The following SNX29 variants were observed in gnomAD, a reference collection of about 807,000 sequenced individuals.
SNX29 encodes the protein sorting nexin-29.
A neutral mutation model predicts 102.1 loss-of-function variants in SNX29; 78 were observed. That is an observed-to-expected ratio of 0.76 (90% CI 0.64 to 0.92). The LOEUF is 0.92. Ranked by LOEUF, SNX29 falls within the 40% of genes least tolerant of loss-of-function variation. The pLI is 0.00. For synonymous variants in SNX29, 580 were observed against 414.5 expected (o/e 1.40, Z -4.85); for missense variants, 1,280 against 1,061.7 (o/e 1.21, Z -2.86).
chr16:12,431,434 CT>C (rs200189537), intron 18 of SNX29, among the ~76,000 whole-genome samples: 322 of 136,784 alleles, frequency 2.4e-3, no homozygotes, highest in Middle Eastern at 3.7e-3. Flanking sequence ...TCTTCTTCTT[CT>C]TTTTTTTTTT....
At chr16:11,980,310 G>T (rs181859944) in intron 1 of SNX29, among the ~76,000 whole-genome samples, 8 of 152,174 alleles carry the variant, frequency 5.3e-5, no homozygotes, top group Admixed American at 5.2e-4. Flanking sequence ...TAATTTTCCT[G>T]AGGTTAAACC....
At chr16:12,557,950 C>T (rs150862419) in intron 20 of SNX29, among the ~76,000 whole-genome samples, 3 of 152,224 alleles carry the variant, frequency 2.0e-5, no homozygotes, top group East Asian at 3.9e-4. Flanking sequence ...TCACCGCTTG[C>T]CCTGTCTTCC....
chr16:12,335,044 G>C (rs2081406509), intron 15 of SNX29, among the ~76,000 whole-genome samples: 1 of 151,940 alleles, frequency 6.6e-6, no homozygotes, highest in Non-Finnish European at 1.5e-5. Context: ...GTGAGGGGAG[G>C]TTGACTGTCG....
intron 14 of SNX29, among the ~76,000 whole-genome samples, chr16:12,256,854 T>G (rs1781956782): frequency 6.6e-6 from 1 of 152,220 alleles, no homozygotes. Flanking sequence ...TCTACTGGCC[T>G]CCTCCACTTG....
intron 4 of SNX29, among the ~76,000 whole-genome samples, chr16:12,042,677 A>G (rs1015272432): frequency 2.6e-5 from 4 of 152,366 alleles, no homozygotes; most frequent in South Asian, 2.1e-4. Flanking sequence ...TCATGGCTGC[A>G]TAGTATTCCA....
chr16:12,349,797 A>C (rs1250856147), intron 15 of SNX29, among the ~76,000 whole-genome samples: 1 of 152,040 alleles, frequency 6.6e-6, no homozygotes, highest in Non-Finnish European at 1.5e-5. Context: ...TATTTTTTAT[A>C]CTTGTTTTTC....
Position 12,027,354 on chromosome 16 carries a change from C to T in SNX29, c.157C>T (p.Leu53=), listed in dbSNP as rs753715184. 4.0e-5 allele frequency: 65 copies of T among 1,614,094 alleles called. No homozygotes were observed. In the East Asian group the frequency reaches 6.9e-4, roughly 17 times the overall value. ...TCTGTGTGCCCAGTTTGAAGCCGTC[C>T]TGCAGCATGGCTTGAAGAGGAGTCG... ...TCLCAQFEAV[L]QHGLKRSRGL... is the part of the protein sequence containing the mutation. Residue 53 remains leucine (L), a synonymous_variant, in exon 4 of 21, where the codon CTG becomes TTG. Transcript: ENST00000566228.
chr16:12,431,914 A>C (rs2151631069), intron 18 of SNX29, among the ~76,000 whole-genome samples: 1 of 152,358 alleles, frequency 6.6e-6, no homozygotes, highest in East Asian at 1.9e-4. Context: ...GAACCCACGA[A>C]CAAAGACTTA....
chr16:12,048,611 G>A lies in SNX29; in HGVS notation c.739G>A (p.Val247Ile), dbSNP rs2050182875. Residue 247 changes from valine (V) to isoleucine (I), a missense_variant, in exon 7 of 21, where the codon GTC becomes ATC. Coordinates refer to ENST00000566228, the MANE Select transcript of SNX29 (RefSeq NM_032167.5). ...CCCCTTGCCTGTCGTGTCCAGGAAT[G>A]TCAGTGCTGGTGAGTGGGAACGGGT... is the stretch of plus-strand genomic sequence containing the variant. ...TDPLPVVSRNVSADAKCKKER... is the reference protein window; with the variant it reads ...TDPLPVVSRNISADAKCKKER... The A allele has an allele frequency of 6.2e-7, 1 of 1,613,942 alleles. No individual in the cohort carries two copies. Among genetic ancestry groups the A allele is most frequent in the Non-Finnish European group, 8.5e-7 (1 of 1,179,866 alleles).
intron 20 of SNX29, among the ~76,000 whole-genome samples, chr16:12,551,347 T>C (rs895687720): frequency 3.9e-5 from 6 of 152,192 alleles, no homozygotes; most frequent in South Asian, 2.1e-4. Context: ...AATCATTCTT[T>C]TGGGGGCTAG....
chr16:12,295,715 C>T lies in SNX29; in HGVS notation c.1782+17679C>T, dbSNP rs2079959289. Reference sequence around the variant, plus strand: ...TTCTCTGGGTCACACAGGCAACTCTCTGCCCTGCTTTGAGCAAAGACTATT... The same window carrying T: ...TTCTCTGGGTCACACAGGCAACTCTTTGCCCTGCTTTGAGCAAAGACTATT... On this transcript the variant is annotated intron_variant, in intron 15 of 20. Transcript: ENST00000566228. Among the ~76,000 whole-genome samples the T allele has an allele frequency of 2.0e-5, 3 of 152,134 alleles. No individual in the cohort carries two copies. In the South Asian group the frequency reaches 6.2e-4, roughly 32 times the overall value.
intron 18 of SNX29, among the ~76,000 whole-genome samples, chr16:12,439,024 C>T (rs1271353448): frequency 6.6e-6 from 1 of 152,222 alleles, no homozygotes; most frequent in Non-Finnish European, 1.5e-5. Flanking sequence ...CGTGGTTGCA[C>T]ATGGCAGCCC....
intron 15 of SNX29, among the ~76,000 whole-genome samples, chr16:12,286,350 T>A (rs1014943823): frequency 6.6e-6 from 1 of 151,196 alleles, no homozygotes; most frequent in Non-Finnish European, 1.5e-5. Context: ...AAGGATTTTT[T>A]TTTTTTTTTT....
At position 12,051,744 on chromosome 16, in the gene SNX29, C is replaced by T. The variant is rs2050311847; in HGVS notation, c.749-103C>T. 3 of 1,462,112 alleles carry T rather than the reference C, an allele frequency of 2.1e-6. No individual in the cohort carries two copies. In the South Asian group the frequency reaches 4.2e-5, roughly 20 times the overall value. The allele number at this position is 1,462,112 out of a possible 1,614,324, so 90.6% of individuals were successfully genotyped here. On this transcript the variant is annotated intron_variant, in intron 7 of 20. Coordinates refer to ENST00000566228, the MANE Select transcript of SNX29 (RefSeq NM_032167.5). The stretch of plus-strand genomic sequence containing the variant: ...TGAATTCATGTTACAGTGTATTTCT[C>T]ACTCGAATAGTATTTTCCATAACCT...
intron 15 of SNX29, among the ~76,000 whole-genome samples, chr16:12,294,369 G>A (rs2079907557): frequency 6.6e-6 from 1 of 152,182 alleles, no homozygotes; most frequent in Admixed American, 6.5e-5. Context: ...ACAGCCCTCA[G>A]CCCTGTCATG....
chr16:12,166,748 A>G (rs1204101991), intron 13 of SNX29, among the ~76,000 whole-genome samples: 3 of 152,208 alleles, frequency 2.0e-5, no homozygotes, highest in Non-Finnish European at 4.4e-5. Context: ...TTCAGGCATC[A>G]GAGTTGGGTG....
At chr16:12,012,193 T>C (rs995110766) in intron 3 of SNX29, among the ~76,000 whole-genome samples, 2 of 152,226 alleles carry the variant, frequency 1.3e-5, no homozygotes, top group South Asian at 2.1e-4. Context: ...TTAGTTGTCA[T>C]AGGGCGACAG....
chr16:12,137,816 G>A (rs950773531), intron 13 of SNX29, among the ~76,000 whole-genome samples: 1 of 152,204 alleles, frequency 6.6e-6, no homozygotes, highest in Non-Finnish European at 1.5e-5. Context: ...GAATTATGGG[G>A]AATACTGGCT....
intron 16 of SNX29, among the ~76,000 whole-genome samples, chr16:12,395,557 C>T (rs1165973488): frequency 1.3e-5 from 2 of 152,192 alleles, no homozygotes; most frequent in South Asian, 2.1e-4. Flanking sequence ...GTGCCCAGAC[C>T]ACAGGCAGAG....
Sources: gnomAD v4.1 joint callset for allele counts (sites outside exome capture counted in the v4.1 genomes callset) on GRCh38, gnomAD v4.1.1 for gene constraint, MANE v1.5 for transcripts, NCBI Gene and HGNC (gene_info 2026-07-23, HGNC 2026-07-21) for gene names.